RTL4: variants seen among roughly 807,000 people sequenced by gnomAD.
RTL4 encodes the protein retrotransposon Gag-like protein 4.
Under a neutral mutation model 5.3 loss-of-function variants are expected in RTL4, and 4 were observed. The observed-to-expected ratio is 0.75, with a 90% CI of 0.37 to 1.72. RTL4 has a LOEUF of 1.72. RTL4 is among the 40% of genes most tolerant of loss of function. RTL4 has a pLI of 0.04. For synonymous variants in RTL4, 98 were observed against 87.3 expected, an observed-to-expected ratio of 1.12 and a Z score of -0.68; for missense variants, 260 against 227.1, an observed-to-expected ratio of 1.14 and a Z score of -0.93.
the RTL4 span, among the ~76,000 whole-genome samples, chrX:112,316,750 A>G: frequency 1.8e-5 from 2 of 111,851 alleles, no homozygotes; most frequent in South Asian, 3.7e-4. Context: ...TCTCCCAACC[A>G]GAGAAGCAAA....
chrX:112,380,164 T>TTTTTTTA, the RTL4 span, among the ~76,000 whole-genome samples: 1 of 109,506 alleles, frequency 9.1e-6, no homozygotes, highest in African/African-American at 3.3e-5. Flanking sequence ...TTTTTTTTTT[T>TTTTTTTA]GAGATGGAGT....
At chrX:112,344,087 G>A in the RTL4 span, among the ~76,000 whole-genome samples, 3 of 112,049 alleles carry the variant, frequency 2.7e-5, no homozygotes, top group African/African-American at 9.7e-5. Flanking sequence ...CCAAGTGCTA[G>A]CCTTAACATT....
At chrX:112,091,388 A>G in the RTL4 span, among the ~76,000 whole-genome samples, 1 of 111,793 alleles carries the variant, frequency 8.9e-6, no homozygotes, top group African/African-American at 3.2e-5. Flanking sequence ...TATAAATATC[A>G]GTTGGAATAT....
the RTL4 span, among the ~76,000 whole-genome samples, chrX:112,441,865 TG>T: frequency 8.9e-6 from 1 of 112,155 alleles, no homozygotes; most frequent in Non-Finnish European, 1.9e-5. Context: ...GGCCTCACAC[TG>T]GAAATAACTC....
chrX:112,415,067 A>T, the RTL4 span, among the ~76,000 whole-genome samples: 3 of 111,675 alleles, frequency 2.7e-5, no homozygotes, highest in African/African-American at 9.8e-5. Flanking sequence ...ACAAATTTTT[A>T]AAACTTTTTA....
chrX:112,091,625 T>C, the RTL4 span, among the ~76,000 whole-genome samples: 4 of 111,822 alleles, frequency 3.6e-5, no homozygotes, highest in Non-Finnish European at 5.7e-5. Context: ...TATTTCAGTC[T>C]TTGTAAATTG....
At chrX:112,345,019 T>C in the RTL4 span, among the ~76,000 whole-genome samples, 1 of 111,762 alleles carries the variant, frequency 8.9e-6, no homozygotes, top group Non-Finnish European at 1.9e-5. Flanking sequence ...ACCGCCCCCA[T>C]GATTCAATTA....
chrX:112,368,338 A>T, the RTL4 span, among the ~76,000 whole-genome samples: 1 of 111,977 alleles, frequency 8.9e-6, no homozygotes, highest in Non-Finnish European at 1.9e-5. Context: ...ATCAGAGATA[A>T]TGCCAAATTA....
chrX:112,403,393 C>A, the RTL4 span, among the ~76,000 whole-genome samples: 1 of 111,952 alleles, frequency 8.9e-6, no homozygotes, highest in African/African-American at 3.2e-5. Context: ...TCTTTTTTCA[C>A]AGATGCTTCA....
chrX:112,399,470 CTAAT>C, the RTL4 span, among the ~76,000 whole-genome samples: 1 of 111,555 alleles, frequency 9.0e-6, no homozygotes. Flanking sequence ...AAATTTCCCT[CTAAT>C]TACTGCTTTA....
chrX:112,184,297 C>G, the RTL4 span, among the ~76,000 whole-genome samples: 1 of 110,396 alleles, frequency 9.1e-6, no homozygotes, highest in African/African-American at 3.3e-5. Flanking sequence ...CACATGTATA[C>G]ATATGCAACA....
chrX:112,113,608 C>T, the RTL4 span, among the ~76,000 whole-genome samples: 17 of 111,224 alleles, frequency 1.5e-4, no homozygotes, highest in African/African-American at 4.9e-4. Flanking sequence ...CATGAGCTGG[C>T]GCTTGCTCCG....
chrX:112,428,230 C>T, the RTL4 span, among the ~76,000 whole-genome samples: 3 of 111,829 alleles, frequency 2.7e-5, no homozygotes, highest in Non-Finnish European at 3.8e-5. Flanking sequence ...CTTTTATAAA[C>T]GTGTGCACAT....
chrX:112,160,540 T>C, the RTL4 span, among the ~76,000 whole-genome samples: 1 of 111,968 alleles, frequency 8.9e-6, no homozygotes, highest in Non-Finnish European at 1.9e-5. Flanking sequence ...TATGATACAA[T>C]ATGATAAGTA....
chrX:112,343,698 T>C, the RTL4 span, among the ~76,000 whole-genome samples: 2 of 112,183 alleles, frequency 1.8e-5, no homozygotes, highest in Non-Finnish European at 3.8e-5. Context: ...ACTAGTGTAT[T>C]GAAGAACATT....
At chrX:112,346,340 T>G in the RTL4 span, among the ~76,000 whole-genome samples, 11 of 111,335 alleles carry the variant, frequency 9.9e-5, no homozygotes, top group African/African-American at 3.3e-4. Flanking sequence ...GGCTACCACT[T>G]TCTTCAATTT....
At chrX:112,420,678 T>C in the RTL4 span, among the ~76,000 whole-genome samples, 1 of 111,873 alleles carries the variant, frequency 8.9e-6, no homozygotes, top group Non-Finnish European at 1.9e-5. Flanking sequence ...GCTTGGCACA[T>C]AGGAAGTGCT....
the RTL4 span, among the ~76,000 whole-genome samples, chrX:112,438,582 G>T: frequency 8.9e-6 from 1 of 112,445 alleles, no homozygotes; most frequent in Non-Finnish European, 1.9e-5. Flanking sequence ...ACCCACTAGG[G>T]TTTGCCCTGC....
the RTL4 span, among the ~76,000 whole-genome samples, chrX:112,386,843 A>G: frequency 8.4e-3 from 939 of 111,388 alleles, 11 homozygotes; most frequent in African/African-American, 0.029. Flanking sequence ...TCTTCAAATA[A>G]TGACTTATTT....
Sources: gnomAD v4.1 joint callset for allele counts (sites outside exome capture counted in the v4.1 genomes callset) on GRCh38, gnomAD v4.1.1 for gene constraint, MANE v1.5 for transcripts, NCBI Gene and HGNC (gene_info 2026-07-23, HGNC 2026-07-21) for gene names.